BCAR3: variants seen among roughly 807,000 people sequenced by gnomAD.
BCAR3 encodes breast cancer anti-estrogen resistance protein 3.
In BCAR3, 37 loss-of-function variants were observed where a neutral mutation model predicts 80.1. That is an observed-to-expected ratio of 0.46 (90% CI 0.36 to 0.61). The LOEUF (loss-of-function observed/expected upper bound fraction) is 0.61. Ranked by LOEUF, BCAR3 falls within the 20% of genes least tolerant of loss-of-function variation. The probability of loss-of-function intolerance (pLI) is 0.00; values close to 1 mark genes in which losing one functional copy is unlikely to be tolerated. For missense variants in BCAR3, 978 were observed against 1,068.2 expected, an observed-to-expected ratio of 0.92 and a Z score of 1.18; for synonymous variants, 389 against 418.9, an observed-to-expected ratio of 0.93 and a Z score of 0.87.
chr1:93,660,170 G>C (rs1181947063), intron 2 of BCAR3, among the ~76,000 whole-genome samples: 1 of 152,076 alleles, frequency 6.6e-6, no homozygotes, highest in Non-Finnish European at 1.5e-5. Context: ...AGGAGAGAGG[G>C]AACAAGAGAG....
chr1:93,689,498 T>C (rs1427524452), intron 3 of BCAR3, among the ~76,000 whole-genome samples: 1 of 148,282 alleles, frequency 6.7e-6, no homozygotes, highest in African/African-American at 2.5e-5. Context: ...ACCATTGCAC[T>C]CTAGCCTAGC....
At chr1:93,726,362 C>T (rs182403626) in intron 2 of BCAR3, among the ~76,000 whole-genome samples, 12 of 152,262 alleles carry the variant, frequency 7.9e-5, no homozygotes, top group Admixed American at 5.2e-4. Flanking sequence ...CATGAGCCAC[C>T]GTGCCTGGCC....
intron 11 of BCAR3, among the ~76,000 whole-genome samples, chr1:93,566,595 C>T (rs778068782): frequency 2.6e-5 from 4 of 152,114 alleles, no homozygotes; most frequent in Non-Finnish European, 4.4e-5. Context: ...ATGCTAAGAG[C>T]AGGGGAGCTC....
chr1:93,803,702 T>C (rs61782401), intron 2 of BCAR3, among the ~76,000 whole-genome samples: 3 of 152,264 alleles, frequency 2.0e-5, no homozygotes, highest in Non-Finnish European at 2.9e-5. Context: ...ACTGGCACTA[T>C]AGACTTAAAG....
intron 2 of BCAR3, among the ~76,000 whole-genome samples, chr1:93,656,202 GA>G (rs1305991584): frequency 6.6e-6 from 1 of 152,122 alleles, no homozygotes; most frequent in Non-Finnish European, 1.5e-5. Flanking sequence ...GTGTCTAGGT[GA>G]AGATTTACCA....
intron 3 of BCAR3, among the ~76,000 whole-genome samples, chr1:93,620,649 C>A (rs78619431): frequency 6.6e-6 from 1 of 152,272 alleles, no homozygotes; most frequent in South Asian, 2.1e-4. Flanking sequence ...CTCCTCCAGC[C>A]CCACCTCCTC....
In BCAR3 at chr1:93,592,620, C is replaced by A; in HGVS notation, c.358-227G>T. ...TGGGGACTATGGTAGGAGAGTCCAC[C>A]AAGAGGTTCCTTTTACCAGTCTACT... On this transcript the variant is annotated intron_variant, in intron 3 of 11. Coordinates refer to ENST00000260502, the MANE Select transcript of BCAR3 (RefSeq NM_003567.4). The surrounding 1 kb of genome is among the most constrained non-coding windows in gnomAD (Gnocchi z 4.8). The A allele has an allele frequency of 2.1e-6, 1 of 465,892 alleles. No homozygotes were observed. The highest frequency in any genetic ancestry group is 3.7e-6 in the Non-Finnish European group (1 of 268,190). 28.9% of individuals were successfully genotyped at this position (465,892 alleles called of 1,614,324 possible).
chr1:93,637,853 C>G (rs780991983), intron 3 of BCAR3, among the ~76,000 whole-genome samples: 1 of 152,174 alleles, frequency 6.6e-6, no homozygotes, highest in Non-Finnish European at 1.5e-5. Flanking sequence ...ATCCTATAAA[C>G]GTAAGCTAGA....
chr1:93,741,150 T>C (rs1385551848), intron 2 of BCAR3, among the ~76,000 whole-genome samples: 1 of 152,168 alleles, frequency 6.6e-6, no homozygotes, highest in Non-Finnish European at 1.5e-5. Context: ...TTGAAGGAAG[T>C]TGTAACTAAC....
chr1:93,680,415 T>C (rs532442673), intron 1 of BCAR3, among the ~76,000 whole-genome samples: 191 of 152,308 alleles, frequency 1.3e-3, no homozygotes, highest in African/African-American at 4.5e-3. Flanking sequence ...ACAAGCGCTT[T>C]GCCTGTGGGC....
At chr1:93,728,928 C>T (rs1025845960) in intron 2 of BCAR3, among the ~76,000 whole-genome samples, 2 of 152,082 alleles carry the variant, frequency 1.3e-5, no homozygotes, top group East Asian at 1.9e-4. Flanking sequence ...CACTTAGGTC[C>T]GTGGGGGTGG....
At chr1:93,637,219 G>A (rs1403291645) in intron 3 of BCAR3, among the ~76,000 whole-genome samples, 1 of 151,916 alleles carries the variant, frequency 6.6e-6, no homozygotes, top group Non-Finnish European at 1.5e-5. Context: ...GCCCAGGCTG[G>A]AGTGCAATGG....
intron 3 of BCAR3, among the ~76,000 whole-genome samples, chr1:93,622,835 C>T (rs1286092336): frequency 4.6e-5 from 7 of 152,200 alleles, no homozygotes; most frequent in Admixed American, 3.3e-4. Context: ...CAATAAATTC[C>T]TTTGCCAGTG....
At chr1:93,774,953 C>T (rs1187495571) in intron 2 of BCAR3, among the ~76,000 whole-genome samples, 1 of 152,200 alleles carries the variant, frequency 6.6e-6, no homozygotes, top group Non-Finnish European at 1.5e-5. Context: ...GAGGATTAAA[C>T]ACAAACCACA....
At chr1:93,639,232 C>T (rs777344758) in intron 3 of BCAR3, among the ~76,000 whole-genome samples, 3 of 152,066 alleles carry the variant, frequency 2.0e-5, no homozygotes, top group African/African-American at 4.8e-5. Context: ...AAACGGTGCA[C>T]GGTGCTAGGA....
chr1:93,576,983 A>ATCTT (rs1260560615), intron 7 of BCAR3, among the ~76,000 whole-genome samples: 8 of 152,080 alleles, frequency 5.3e-5, no homozygotes, highest in Non-Finnish European at 1.2e-4. Flanking sequence ...GCGAGACCCC[A>ATCTT]TCTTTACAAA....
intron 3 of BCAR3, among the ~76,000 whole-genome samples, chr1:93,635,304 G>A (rs1173440263): frequency 1.4e-5 from 2 of 141,328 alleles, no homozygotes; most frequent in Non-Finnish European, 2.9e-5. Flanking sequence ...TTTTCCAGTT[G>A]AAGGACTTTG....
At chr1:93,757,217 A>G (rs1380270113) in intron 2 of BCAR3, among the ~76,000 whole-genome samples, 1 of 152,224 alleles carries the variant, frequency 6.6e-6, no homozygotes, top group Non-Finnish European at 1.5e-5. Flanking sequence ...AAAGGGGCAC[A>G]CAATCATGGG....
chr1:93,644,620 T>C (rs962452518), intron 2 of BCAR3, among the ~76,000 whole-genome samples: 7 of 152,220 alleles, frequency 4.6e-5, no homozygotes, highest in African/African-American at 1.7e-4. Context: ...GTCACTCATA[T>C]TTGGCTCAGA....
Sources: gnomAD v4.1 joint callset for allele counts (sites outside exome capture counted in the v4.1 genomes callset) on GRCh38, gnomAD v4.1.1 for gene constraint, Gnocchi (gnomAD v3.1) non-coding constraint, MANE v1.5 for transcripts, NCBI Gene and HGNC (gene_info 2026-07-23, HGNC 2026-07-21) for gene names.